Variants in EYA1 observed in about 807,000 individuals in gnomAD.
EYA1 encodes the protein protein phosphatase EYA1.
In EYA1, 16 loss-of-function variants were observed where a neutral mutation model predicts 82.0. The ratio of observed to expected loss-of-function variants is 0.20; its 90% CI spans 0.13 to 0.30. The LOEUF is 0.30. Ranked by LOEUF, EYA1 falls within the 10% of genes least tolerant of loss-of-function variation. EYA1 has a pLI of 1.00. For missense variants in EYA1, 633 were observed against 730.7 expected, an observed-to-expected ratio of 0.87 and a Z score of 1.54; for synonymous variants, 261 against 264.4, an observed-to-expected ratio of 0.99 and a Z score of 0.12.
At chr8:71,270,853 G>C (rs184599938) in intron 10 of EYA1, among the ~76,000 whole-genome samples, 1 of 152,284 alleles carries the variant, frequency 6.6e-6, no homozygotes, top group East Asian at 1.9e-4. Flanking sequence ...GGGCGTGGTG[G>C]CTCGTGCCTG....
chr8:71,368,750 TA>T, intron 2 of EYA1, among the ~76,000 whole-genome samples: 1 of 152,214 alleles, frequency 6.6e-6, no homozygotes, highest in African/African-American at 2.4e-5. Flanking sequence ...CAAATAAATG[TA>T]TTCATGATTA....
intron 17 of EYA1, among the ~76,000 whole-genome samples, chr8:71,206,070 A>G (rs1206934457): frequency 6.6e-6 from 1 of 152,186 alleles, no homozygotes; most frequent in Non-Finnish European, 1.5e-5. Flanking sequence ...ATGTAAAATT[A>G]GGGGAAAGAA....
intron 2 of EYA1, among the ~76,000 whole-genome samples, chr8:71,455,888 T>C (rs1807854088): frequency 6.6e-6 from 1 of 152,150 alleles, no homozygotes; most frequent in Admixed American, 6.5e-5. Context: ...TTCAACATAG[T>C]GTTGGAAGTT....
intron 7 of EYA1, among the ~76,000 whole-genome samples, chr8:71,311,894 A>C (rs1243379193): frequency 6.6e-6 from 1 of 152,242 alleles, no homozygotes; most frequent in Non-Finnish European, 1.5e-5. Context: ...TGTTTAGTTT[A>C]AAATGGCATG....
chr8:71,309,608 A>T (rs1337746128), intron 7 of EYA1, among the ~76,000 whole-genome samples: 1 of 152,242 alleles, frequency 6.6e-6, no homozygotes, highest in Non-Finnish European at 1.5e-5. Context: ...ATAGATAATA[A>T]AAAAATTTTA....
chr8:71,318,100 C>CT (rs1484657217), intron 6 of EYA1, among the ~76,000 whole-genome samples: 3 of 152,078 alleles, frequency 2.0e-5, no homozygotes, highest in Admixed American at 2.0e-4. Context: ...AAATAAAATC[C>CT]TTTTTTATAT....
In EYA1 at chr8:71,544,251, A is replaced by G. The variant is rs114515929; in HGVS notation, c.-73+3613T>C. Among the ~76,000 whole-genome samples, 1,406 of 152,324 alleles carry G rather than the reference A, an allele frequency of 9.2e-3. 16 individuals carry two copies. The highest frequency in any genetic ancestry group is 0.032 in the African/African-American group (1,328 of 41,578). On this transcript the variant is annotated intron_variant, in intron 1 of 18. Transcript: ENST00000643681. Reference sequence around the variant, plus strand: ...GAGTTAATGGGTGGTATAAGGTGATAGAAATATACATGGCAAAGGATGTTG... The same window carrying G: ...GAGTTAATGGGTGGTATAAGGTGATGGAAATATACATGGCAAAGGATGTTG...
At chr8:71,399,754 A>G (rs547596923) in intron 2 of EYA1, among the ~76,000 whole-genome samples, 1 of 152,322 alleles carries the variant, frequency 6.6e-6, no homozygotes, top group South Asian at 2.1e-4. Flanking sequence ...TGCTATTCCC[A>G]CTAAACTACC....
rs141554542 is a variant in EYA1 at position 71,544,470 on chromosome 8, G to A, written c.-73+3394C>T. Among the ~76,000 whole-genome samples, 132 of 152,208 alleles carry A rather than the reference G, an allele frequency of 8.7e-4. 2 individuals are homozygous for A. Among genetic ancestry groups the A allele is most frequent in the South Asian group, 5.6e-3 (27 of 4,812 alleles). ...TTGTTAAGCCACGTAGTCCAGCACCGGAAAGTTTAGTCTTTAGGAGGCTTT... is the reference window on the plus strand; with the variant it reads ...TTGTTAAGCCACGTAGTCCAGCACCAGAAAGTTTAGTCTTTAGGAGGCTTT... On this transcript the variant is annotated intron_variant, in intron 1 of 18. Coordinates refer to the EYA1 transcript ENST00000643681.
At position 71,285,457 on chromosome 8, in the gene EYA1, A is replaced by G. The variant is rs116598453; in HGVS notation, c.827-13560T>C. Among the ~76,000 whole-genome samples, 1,050 of 152,356 alleles carry G rather than the reference A, an allele frequency of 6.9e-3. 16 individuals carry two copies. Among genetic ancestry groups the G allele is most frequent in the African/African-American group, 0.024 (1,010 of 41,592 alleles). On this transcript the variant is annotated intron_variant, in intron 9 of 17. Coordinates refer to ENST00000340726, the MANE Select transcript of EYA1 (RefSeq NM_000503.6). ...ATTGCAGAAGCTGAAAACAATATTC[A>G]TGACAGAGAAAGTGTACTCCTTACA...
At chr8:71,453,313 C>T (rs537402986) in intron 2 of EYA1, among the ~76,000 whole-genome samples, 33 of 152,216 alleles carry the variant, frequency 2.2e-4, no homozygotes, top group African/African-American at 6.5e-4. Flanking sequence ...CTGATAGTGA[C>T]GGGGAGAATG....
intron 9 of EYA1, among the ~76,000 whole-genome samples, chr8:71,283,448 AC>A (rs1395721287): frequency 6.6e-6 from 1 of 152,044 alleles, no homozygotes; most frequent in Non-Finnish European, 1.5e-5. Context: ...AAGTTCCCTG[AC>A]GGCAGAGGCT....
At chr8:71,323,368 A>C (rs1822802603) in intron 4 of EYA1, among the ~76,000 whole-genome samples, 1 of 152,102 alleles carries the variant, frequency 6.6e-6, no homozygotes, top group Non-Finnish European at 1.5e-5. Context: ...TCTATTCTAC[A>C]CTAAAATCCT....
intron 2 of EYA1, among the ~76,000 whole-genome samples, chr8:71,399,793 A>C (rs1829847968): frequency 6.6e-6 from 1 of 152,202 alleles, no homozygotes; most frequent in Non-Finnish European, 1.5e-5. Flanking sequence ...ATCAGAAAAA[A>C]ACTACTTTAA....
In EYA1 at chr8:71,317,654, A is replaced by G. The variant is rs1386658421; in HGVS notation, c.454T>C (p.Leu152=). The change falls in exon 7 of 18, where the codon TTG becomes CTG. Residue 152 remains leucine, a synonymous_variant. Transcript: ENST00000340726. ...LWAGIKTEGG[L]SQSQSPGQTG... is the part of the protein sequence containing the mutation. ...TGTCCAGGTGACTGAGACTGTGACA[A>G]TCCACCTTCAGTCTTGATGCCTGCC... 1 of 1,613,922 alleles carries G rather than the reference A, an allele frequency of 6.2e-7. No homozygotes were observed. The highest frequency in any genetic ancestry group is 8.5e-7 in the Non-Finnish European group (1 of 1,179,912).
chr8:71,320,570 G>C (rs1262593649), intron 6 of EYA1, among the ~76,000 whole-genome samples: 1 of 151,970 alleles, frequency 6.6e-6, no homozygotes, highest in Non-Finnish European at 1.5e-5. Flanking sequence ...TCCATTTTAG[G>C]GCTGTCTCTA....
intron 2 of EYA1, among the ~76,000 whole-genome samples, chr8:71,504,114 C>G (rs1240556520): frequency 3.3e-5 from 5 of 152,006 alleles, no homozygotes; most frequent in East Asian, 3.9e-4. Context: ...TTTGCTTCAC[C>G]CTGCATCTCT....
chr8:71,338,638 G>A (rs1824772599), intron 3 of EYA1, among the ~76,000 whole-genome samples: 1 of 152,170 alleles, frequency 6.6e-6, no homozygotes, highest in Admixed American at 6.5e-5. Context: ...GAAGATGTCA[G>A]ACCATTCAGA....
At chr8:71,437,653 T>A (rs1586715786) in intron 2 of EYA1, among the ~76,000 whole-genome samples, 1 of 152,196 alleles carries the variant, frequency 6.6e-6, no homozygotes, top group South Asian at 2.1e-4. Context: ...TGAAACAAAT[T>A]AAACTATTCC....
Sources: gnomAD v4.1 joint callset for allele counts (sites outside exome capture counted in the v4.1 genomes callset) on GRCh38, gnomAD v4.1.1 for gene constraint, MANE v1.5 for transcripts, NCBI Gene and HGNC (gene_info 2026-07-23, HGNC 2026-07-21) for gene names.